Variants in BACH2 observed in about 807,000 individuals in gnomAD.
BACH2 encodes the protein transcription regulator protein BACH2.
BACH2 carries 5 observed loss-of-function variants against 61.8 expected under a neutral mutation model. The ratio of observed to expected loss-of-function variants is 0.08; its 90% confidence interval spans 0.04 to 0.17. BACH2 has a LOEUF of 0.17. Among genes scored for constraint, BACH2 ranks in the 10% least tolerant of loss-of-function variants. BACH2 has a pLI of 1.00. For missense variants in BACH2, 824 were observed against 1,091.1 expected (o/e 0.76, Z 3.45); for synonymous variants, 446 against 440.1 (o/e 1.01, Z -0.17).
chr6:90,272,458 C>G (rs1484837473), intron 1 of BACH2, among the ~76,000 whole-genome samples: 9 of 152,094 alleles, frequency 5.9e-5, no homozygotes, highest in Admixed American at 5.9e-4. Flanking sequence ...CATCCCCATT[C>G]CCTCCCTTGA....
At chr6:90,283,161 A>G in intron 1 of BACH2, among the ~76,000 whole-genome samples, 1 of 152,184 alleles carries the variant, frequency 6.6e-6, no homozygotes. Flanking sequence ...CCTTTGTGAA[A>G]TGCATGTTTA....
chr6:90,071,985 CA>C (rs2127801755), intron 5 of BACH2, among the ~76,000 whole-genome samples: 1 of 152,114 alleles, frequency 6.6e-6, no homozygotes, highest in Non-Finnish European at 1.5e-5. Context: ...CTTGCTGTCT[CA>C]GGGGTGGCAG....
chr6:90,030,687 G>A (rs1324192517), intron 5 of BACH2, among the ~76,000 whole-genome samples: 1 of 151,972 alleles, frequency 6.6e-6, no homozygotes, highest in African/African-American at 2.4e-5. Flanking sequence ...ACCAATAACA[G>A]GTTCTGAAAT....
At position 90,113,989 on chromosome 6, in the gene BACH2, C is replaced by T. The variant is rs930538944; in HGVS notation, c.-161-24880G>A. 1.5e-4 allele frequency among the ~76,000 whole-genome samples: 23 copies of T among 152,076 alleles called. 1 individual carries two copies. On this transcript the variant is annotated intron_variant, in intron 4 of 8. Coordinates refer to ENST00000257749, the MANE Select transcript of BACH2 (RefSeq NM_021813.4). ...GTCAGGAAGAAATTGATTCCCTGAA[C>T]AGACCAACAGTGAGCTCTGAAATTG...
Position 90,092,280 on chromosome 6 carries a change from T to TAAAAAAAAAAAAAAAAAAAAA in BACH2, c.-161-3172_-161-3171insTTTTTTTTTTTTTTTTTTTTT, listed in dbSNP as rs200675044. Among the ~76,000 whole-genome samples the TAAAAAAAAAAAAAAAAAAAAA allele has an allele frequency of 5.2e-5, 4 of 77,214 alleles. 1 individual carries two copies. Among genetic ancestry groups the TAAAAAAAAAAAAAAAAAAAAA allele is most frequent in the African/African-American group, 2.5e-4 (4 of 16,234 alleles). The allele number at this position is 77,214 out of a possible 152,430, so 50.7% of individuals were successfully genotyped here. A position where few individuals can be genotyped will look rare whatever the true frequency, so the allele number is the denominator to read the frequency against. ...CTGTGCAATTGGCACACTGTCAAAGTAAAAAAAAAAAATATATATATATAT... is the reference window on the plus strand; with the variant it reads ...CTGTGCAATTGGCACACTGTCAAAGTAAAAAAAAAAAAAAAAAAAAAAAAAAAAAAAAATATATATATATAT... On this transcript the variant is annotated intron_variant, in intron 4 of 8. Transcript: ENST00000257749.
rs1354890178 is a variant in BACH2, at chr6:89,926,793, G to GA, written c.*5614dup. ...CCACGAGAAAAACCACAATCACTTA[G>GA]AAAAAAATAAGGACAAGCCTAAGAA... On this transcript the variant is annotated 3_prime_UTR_variant, in exon 9 of 9. Coordinates refer to ENST00000257749, the MANE Select transcript of BACH2 (RefSeq NM_021813.4). The GA allele has an allele frequency of 2.0e-5, 3 of 152,414 alleles. No individual in the cohort carries two copies. Among genetic ancestry groups the GA allele is most frequent in the Admixed American group, 1.3e-4 (2 of 15,260 alleles). 9.4% of individuals were successfully genotyped at this position (152,414 alleles called of 1,614,324 possible).
chr6:90,192,373 G>A (rs1768606057), intron 4 of BACH2, among the ~76,000 whole-genome samples: 1 of 151,220 alleles, frequency 6.6e-6, no homozygotes, highest in Non-Finnish European at 1.5e-5. Context: ...AGTTCTAAAT[G>A]TAGAGAATTC....
At chr6:90,092,315 T>TATATATAC (rs142761642) in intron 4 of BACH2, among the ~76,000 whole-genome samples, 2,840 of 109,896 alleles carry the variant, frequency 0.026, 71 homozygotes, top group Non-Finnish European at 0.037. Flanking sequence ...TATATATATA[T>TATATATAC]ACACACACAC....
chr6:90,247,067 A>C (rs1187474382), intron 3 of BACH2, among the ~76,000 whole-genome samples: 1 of 152,192 alleles, frequency 6.6e-6, no homozygotes, highest in African/African-American at 2.4e-5. Context: ...TGTTTAATGA[A>C]AAAGACAAAG....
At chr6:90,030,212 T>C (rs1778890088) in intron 5 of BACH2, among the ~76,000 whole-genome samples, 1 of 152,172 alleles carries the variant, frequency 6.6e-6, no homozygotes. Flanking sequence ...GGACCAATTA[T>C]GCCCTTCCTT....
intron 4 of BACH2, among the ~76,000 whole-genome samples, chr6:90,147,386 A>G (rs988962557): frequency 6.6e-6 from 1 of 152,086 alleles, no homozygotes; most frequent in Non-Finnish European, 1.5e-5. Flanking sequence ...TTTTTCTCTG[A>G]TCTGCTGTTC....
At chr6:90,277,922 G>A (rs1303523043) in intron 1 of BACH2, among the ~76,000 whole-genome samples, 2 of 152,110 alleles carry the variant, frequency 1.3e-5, no homozygotes, top group Non-Finnish European at 2.9e-5. Flanking sequence ...GTACTTATCC[G>A]AGAAGCCTTT....
At chr6:89,970,906 C>G (rs569309504) in intron 6 of BACH2, among the ~76,000 whole-genome samples, 1 of 152,294 alleles carries the variant, frequency 6.6e-6, no homozygotes, top group South Asian at 2.1e-4. Flanking sequence ...CAAAGAGAAG[C>G]AAATGCCTCA....
Position 90,103,557 on chromosome 6 carries a change from G to A in BACH2, c.-161-14448C>T, listed in dbSNP as rs117943300. ...TACGAAACTGAAATCTGGAGACCGCGGTGGTGCTAAGTTGAGTCATCAGTT... is the reference window on the plus strand; with the variant it reads ...TACGAAACTGAAATCTGGAGACCGCAGTGGTGCTAAGTTGAGTCATCAGTT... On this transcript the variant is annotated intron_variant, in intron 4 of 8. Transcript: ENST00000257749. 4.3e-3 allele frequency among the ~76,000 whole-genome samples: 656 copies of A among 152,298 alleles called. 6 individuals are homozygous for A. The highest frequency in any genetic ancestry group is 0.014 in the Middle Eastern group (4 of 294).
intron 4 of BACH2, among the ~76,000 whole-genome samples, chr6:90,141,656 G>A (rs1445372035): frequency 6.6e-6 from 1 of 152,090 alleles, no homozygotes; most frequent in East Asian, 1.9e-4. Flanking sequence ...TATAAACTCT[G>A]AGGAATGTGA....
chr6:90,198,514 C>A (rs928822700), intron 4 of BACH2, among the ~76,000 whole-genome samples: 1 of 152,218 alleles, frequency 6.6e-6, no homozygotes, highest in African/African-American at 2.4e-5. Context: ...GGTCTTAACA[C>A]AAAGTCCAGC....
intron 4 of BACH2, among the ~76,000 whole-genome samples, chr6:90,184,302 C>T (rs1768271462): frequency 6.6e-6 from 1 of 152,128 alleles, no homozygotes; most frequent in Non-Finnish European, 1.5e-5. Context: ...CTTCCTCATG[C>T]TATTATTGTG....
At chr6:90,031,574 A>C (rs1778984629) in intron 5 of BACH2, among the ~76,000 whole-genome samples, 1 of 152,176 alleles carries the variant, frequency 6.6e-6, no homozygotes, top group African/African-American at 2.4e-5. Flanking sequence ...ACAAACAGAG[A>C]GCCAAATCAT....
At chr6:90,018,019 G>C (rs1264252581) in intron 5 of BACH2, among the ~76,000 whole-genome samples, 1 of 152,186 alleles carries the variant, frequency 6.6e-6, no homozygotes, top group Non-Finnish European at 1.5e-5. Flanking sequence ...AGGAAAAGCA[G>C]CATTTAGTCT....
Sources: gnomAD v4.1 joint callset for allele counts (sites outside exome capture counted in the v4.1 genomes callset) on GRCh38, gnomAD v4.1.1 for gene constraint, MANE v1.5 for transcripts, NCBI Gene and HGNC (gene_info 2026-07-23, HGNC 2026-07-21) for gene names.